The following MAD1L1 variants were observed in gnomAD, a reference collection of about 807,000 sequenced individuals.
The protein encoded by MAD1L1 is mitotic arrest deficient 1 like 1.
Under a neutral mutation model 96.9 loss-of-function variants are expected in MAD1L1, and 95 were observed. That is an observed-to-expected ratio of 0.98 (90% CI 0.83 to 1.16). The LOEUF is 1.16. Among genes scored for constraint, MAD1L1 ranks in the 50% most tolerant of loss-of-function variants. The probability of loss-of-function intolerance (pLI) is 0.00; values close to 1 mark genes in which losing one functional copy is unlikely to be tolerated. For missense variants in MAD1L1, 1,007 were observed against 954.4 expected, an observed-to-expected ratio of 1.06 and a Z score of -0.73; for synonymous variants, 473 against 396.6, an observed-to-expected ratio of 1.19 and a Z score of -2.29.
rs1162222295 is a variant in MAD1L1 at position 1,904,784 on chromosome 7, G to A, written c.1808-6394C>T. ...AAGCACGCAGTGGCCTATTGAAGAC[G>A]CTCCTGCGGAACTCATGATTGATCA... On this transcript the variant is annotated intron_variant, in intron 17 of 18. Transcript: ENST00000265854. Among the ~76,000 whole-genome samples, 7 of 123,266 alleles carry A rather than the reference G, an allele frequency of 5.7e-5. 2 individuals are homozygous for A. Among genetic ancestry groups the A allele is most frequent in the African/African-American group, 2.8e-4 (7 of 25,352 alleles). 80.9% of individuals were successfully genotyped at this position (123,266 alleles called of 152,430 possible). A position where few individuals can be genotyped will look rare whatever the true frequency, so the allele number is the denominator to read the frequency against.
intron 12 of MAD1L1, among the ~76,000 whole-genome samples, chr7:2,053,331 G>C (rs1031766861): frequency 1.3e-5 from 2 of 152,190 alleles, no homozygotes; most frequent in African/African-American, 2.4e-5. Context: ...AGGTGAGGCA[G>C]AGGCAGGAGA....
chr7:1,816,129 T>G lies in MAD1L1; in HGVS notation c.2098A>C (p.Ile700Leu). 1 of 1,613,070 alleles carries G rather than the reference T, an allele frequency of 6.2e-7. No individual in the cohort carries two copies. The highest frequency in any genetic ancestry group is 8.5e-7 in the Non-Finnish European group (1 of 1,179,848). Residue 700 changes from isoleucine (I) to leucine (L), a missense_variant, in exon 19 of 19, where the codon ATC becomes CTC. By Grantham distance (5) the Ile-to-Leu change is conservative. Coordinates refer to ENST00000265854, the MANE Select transcript of MAD1L1 (RefSeq NM_001013836.2). Reference protein sequence around the residue: ...IEVHLRRQDSIPAFLSSLTLE... With the variant: ...IEVHLRRQDSLPAFLSSLTLE... Reference sequence around the variant, plus strand: ...GTGAGCGAGCTGAGGAAGGCAGGGATGCTGTCCTGGCGCCGCAGGTGCACC... The same window carrying G: ...GTGAGCGAGCTGAGGAAGGCAGGGAGGCTGTCCTGGCGCCGCAGGTGCACC...
chr7:1,963,423 G>A (rs1484033574), intron 15 of MAD1L1, among the ~76,000 whole-genome samples: 5 of 152,220 alleles, frequency 3.3e-5, no homozygotes, highest in Admixed American at 3.3e-4. Flanking sequence ...TTGGGGTGGG[G>A]AGAGGAGGCA....
chr7:1,907,377 G>A (rs369370276), intron 17 of MAD1L1, among the ~76,000 whole-genome samples: 5 of 152,208 alleles, frequency 3.3e-5, no homozygotes, highest in East Asian at 1.9e-4. Flanking sequence ...AGGGACTCAC[G>A]GCACAGCCAT....
chr7:2,095,428 C>T (rs1245503495), intron 11 of MAD1L1, among the ~76,000 whole-genome samples: 1 of 152,156 alleles, frequency 6.6e-6, no homozygotes, highest in East Asian at 1.9e-4. Flanking sequence ...TCCCTTTATC[C>T]ACACACCCTT....
intron 12 of MAD1L1, among the ~76,000 whole-genome samples, chr7:2,016,010 A>G (rs1388087645): frequency 6.6e-6 from 1 of 152,192 alleles, no homozygotes; most frequent in Non-Finnish European, 1.5e-5. Flanking sequence ...TTCAAGCCCC[A>G]GCTCTGTCCT....
chr7:2,028,424 C>CA (rs56189973), intron 12 of MAD1L1, among the ~76,000 whole-genome samples: 1,451 of 85,836 alleles, frequency 0.017, 18 homozygotes, highest in African/African-American at 0.035. Context: ...GACTCCATCT[C>CA]AAAAAAAAAA....
chr7:1,892,027 C>A (rs930781818), intron 18 of MAD1L1, among the ~76,000 whole-genome samples: 7 of 152,192 alleles, frequency 4.6e-5, no homozygotes, highest in Non-Finnish European at 1.0e-4. Context: ...CCCAGAGCAC[C>A]CGCCAGCCCT....
At chr7:2,092,329 G>A (rs528038231) in intron 11 of MAD1L1, among the ~76,000 whole-genome samples, 2 of 152,182 alleles carry the variant, frequency 1.3e-5, no homozygotes, top group Non-Finnish European at 2.9e-5. Flanking sequence ...TGTGATCACA[G>A]CTCACTGCAG....
intron 12 of MAD1L1, among the ~76,000 whole-genome samples, chr7:2,043,385 C>T (rs888766521): frequency 6.6e-6 from 1 of 152,218 alleles, no homozygotes; most frequent in African/African-American, 2.4e-5. Context: ...AGCTGGCAGA[C>T]ACAAGGACGT....
At chr7:1,914,028 C>CA (rs11430267) in intron 17 of MAD1L1, among the ~76,000 whole-genome samples, 1 of 150,984 alleles carries the variant, frequency 6.6e-6, no homozygotes, top group Non-Finnish European at 1.5e-5. Context: ...TCTCCCCCCC[C>CA]AGCACGCCTG....
intron 18 of MAD1L1, among the ~76,000 whole-genome samples, chr7:1,854,797 T>C (rs1214429449): frequency 2.6e-5 from 4 of 152,112 alleles, no homozygotes; most frequent in African/African-American, 4.8e-5. Context: ...TGGCGTCACA[T>C]ACGGGGGAGA....
intron 10 of MAD1L1, among the ~76,000 whole-genome samples, chr7:2,208,173 A>C (rs1359043587): frequency 6.6e-6 from 1 of 152,114 alleles, no homozygotes; most frequent in Non-Finnish European, 1.5e-5. Flanking sequence ...CTAATATTTC[A>C]TGGACTTTGA....
chr7:1,864,356 G>A (rs990297668), intron 18 of MAD1L1, among the ~76,000 whole-genome samples: 8 of 152,200 alleles, frequency 5.3e-5, no homozygotes, highest in African/African-American at 9.6e-5. Context: ...GACGGGACTC[G>A]GGGGAACTTG....
intron 17 of MAD1L1, among the ~76,000 whole-genome samples, chr7:1,912,379 ACTC>A (rs1258202842): frequency 1.3e-5 from 2 of 152,006 alleles, no homozygotes; most frequent in African/African-American, 2.4e-5. Flanking sequence ...GTCAGAGGTG[ACTC>A]CTCCTGTTTG....
chr7:2,078,224 T>G (rs1785472316), intron 11 of MAD1L1, among the ~76,000 whole-genome samples: 1 of 152,170 alleles, frequency 6.6e-6, no homozygotes, highest in Non-Finnish European at 1.5e-5. Flanking sequence ...ACAACTGCCC[T>G]GGGACCTACA....
In MAD1L1 at chr7:2,139,067, G is replaced by A. The variant is rs565370586; in HGVS notation, c.1073+10085C>T. Among the ~76,000 whole-genome samples, 92 of 152,210 alleles carry A rather than the reference G, an allele frequency of 6.0e-4. 1 individual carries two copies. In the South Asian group the frequency reaches 0.012, roughly 20 times the overall value. On this transcript the variant is annotated intron_variant, in intron 11 of 18. Transcript: ENST00000265854. The stretch of plus-strand genomic sequence containing the variant: ...CCTCCTCAGCAGACGCCCCGGTACC[G>A]AGGCCAGAGGCGAGGAGGAAGAGCA...
chr7:2,057,333 G>A (rs1784424780), intron 12 of MAD1L1, among the ~76,000 whole-genome samples: 1 of 152,198 alleles, frequency 6.6e-6, no homozygotes, highest in African/African-American at 2.4e-5. Flanking sequence ...CCTGGCCAAC[G>A]TGGCAAAATC....
intron 6 of MAD1L1, 152 bp downstream of exon 6, chr7:2,219,180 C>T (rs2115001419): frequency 2.7e-6 from 2 of 746,122 alleles, no homozygotes. Context: ...GTCCTGGCTC[C>T]AGAGGCCTCA....
Sources: gnomAD v4.1 joint callset for allele counts (sites outside exome capture counted in the v4.1 genomes callset) on GRCh38, gnomAD v4.1.1 for gene constraint, MANE v1.5 for transcripts, NCBI Gene and HGNC (gene_info 2026-07-23, HGNC 2026-07-21) for gene names.